The following B3GLCT variants were observed in gnomAD, a reference collection of about 807,000 sequenced individuals.
B3GLCT encodes beta 3-glucosyltransferase.
Under a neutral mutation model 63.4 loss-of-function variants are expected in B3GLCT, and 65 were observed. The observed-to-expected ratio is 1.03, with a 90% CI of 0.84 to 1.26. The LOEUF is 1.26. Ranked by LOEUF, B3GLCT falls within the 50% of genes most tolerant of loss-of-function variation. The pLI is 0.00. For missense variants in B3GLCT, 577 were observed against 604.8 expected, an observed-to-expected ratio of 0.95 and a Z score of 0.48; for synonymous variants, 233 against 219.2, an observed-to-expected ratio of 1.06 and a Z score of -0.55.
At position 31,250,024 on chromosome 13, in the gene B3GLCT, AAACTTTT is replaced by A. The variant is rs1441617031; in HGVS notation, c.459+2067_459+2073del. On this transcript the variant is annotated intron_variant, in intron 6 of 14. Coordinates refer to ENST00000343307, the MANE Select transcript of B3GLCT (RefSeq NM_194318.4). ...ATACTGTCAAAATATTTTAAATGTA[AAACTTTT>A]AACTTTTATTAATCTTTATTAAATT... Among the ~76,000 whole-genome samples, 8 of 152,310 alleles carry A rather than the reference AAACTTTT, an allele frequency of 5.3e-5. No homozygotes were observed. In the East Asian group the frequency reaches 1.5e-3, roughly 29 times the overall value.
chr13:31,220,786 T>C (rs1869772856), intron 2 of B3GLCT, among the ~76,000 whole-genome samples: 1 of 152,230 alleles, frequency 6.6e-6, no homozygotes, highest in African/African-American at 2.4e-5. Context: ...GAAAGATGTA[T>C]CATTTTTGTT....
In B3GLCT at chr13:31,269,278, G is replaced by A. The variant is rs80338851; in HGVS notation, c.660+1G>A. 1,643 of 1,588,686 alleles carry A rather than the reference G, an allele frequency of 1.0e-3. No individual in the cohort carries two copies. Among genetic ancestry groups the A allele is most frequent in the Non-Finnish European group, 1.3e-3 (1,460 of 1,157,564 alleles). On this transcript the variant is annotated splice_donor_variant, in intron 8 of 14. Transcript: ENST00000343307. LOFTEE classifies it high-confidence loss of function. ...CTTTACAATAGATTTAAAACATGAGGTATGTCATGTTTTGTTTGATTAAAA... is the reference window on the plus strand; with the variant it reads ...CTTTACAATAGATTTAAAACATGAGATATGTCATGTTTTGTTTGATTAAAA...
In B3GLCT at chr13:31,283,541, T is replaced by G. The variant is rs146977271; in HGVS notation, c.851-1107T>G. ...GTTGCAGAAAAATTATATTTTAATA[T>G]ATGAAATTAATATTTAACTGGTAAT... is the stretch of plus-strand genomic sequence containing the variant. On this transcript the variant is annotated intron_variant, in intron 10 of 14. Coordinates refer to ENST00000343307, the MANE Select transcript of B3GLCT (RefSeq NM_194318.4). Among the ~76,000 whole-genome samples, 237 of 152,146 alleles carry G rather than the reference T, an allele frequency of 1.6e-3. 2 individuals are homozygous for G. The highest frequency in any genetic ancestry group is 5.4e-3 in the African/African-American group (225 of 41,538).
intron 7 of B3GLCT, among the ~76,000 whole-genome samples, chr13:31,262,164 C>T (rs530094083): frequency 1.3e-5 from 2 of 150,642 alleles, no homozygotes; most frequent in East Asian, 2.0e-4. Context: ...GAAGCTCCTA[C>T]GCTGCTGATT....
At chr13:31,269,722 A>G (rs1872499611) in intron 8 of B3GLCT, among the ~76,000 whole-genome samples, 1 of 151,558 alleles carries the variant, frequency 6.6e-6, no homozygotes, top group South Asian at 2.1e-4. Flanking sequence ...TGATAGGGGC[A>G]TGAGAGTGGA....
intron 12 of B3GLCT, among the ~76,000 whole-genome samples, chr13:31,314,864 C>G (rs1242695824): frequency 6.6e-6 from 1 of 152,176 alleles, no homozygotes; most frequent in African/African-American, 2.4e-5. Flanking sequence ...GGGAGGGACC[C>G]AGTGGGAGGT....
intron 12 of B3GLCT, among the ~76,000 whole-genome samples, chr13:31,309,671 A>C (rs939469710): frequency 6.6e-6 from 1 of 152,074 alleles, no homozygotes; most frequent in South Asian, 2.1e-4. Flanking sequence ...AGGAGTGTGG[A>C]GCTTCCTTGC....
At chr13:31,227,598 T>C (rs73443583) in intron 3 of B3GLCT, among the ~76,000 whole-genome samples, 94 of 152,342 alleles carry the variant, frequency 6.2e-4, no homozygotes, top group African/African-American at 2.2e-3. Context: ...TCATATTCAG[T>C]AGGCTGTTCA....
chr13:31,247,194 A>G lies in B3GLCT; in HGVS notation c.347+95A>G, dbSNP rs116422728. ...TTATTAAGAGGGTGTGGTTTTCCTC[A>G]GTCAGTAAGTGAAGTAAATTTGAGT... On this transcript the variant is annotated intron_variant, in intron 5 of 14. Transcript: ENST00000343307. The G allele has an allele frequency of 0.049, 46,845 of 964,574 alleles. 1,251 individuals are homozygous for G. The highest frequency in any genetic ancestry group is 0.053 in the Non-Finnish European group (32,192 of 605,484). The allele number at this position is 964,574 out of a possible 1,614,324, so 59.8% of individuals were successfully genotyped here.
rs59778101 is a variant in B3GLCT at position 31,325,227 on chromosome 13, G to A, written c.1329+1332G>A. Among the ~76,000 whole-genome samples the A allele has an allele frequency of 3.4e-4, 52 of 152,264 alleles. No homozygotes were observed. In the East Asian group the frequency reaches 9.9e-3, roughly 29 times the overall value. ...AAATGTATGAGAAACCTCCTTCCTG[G>A]TGTCAGTTAGAAGATACTTACTTGT... On this transcript the variant is annotated intron_variant, in intron 14 of 14. Transcript: ENST00000343307.
rs1015697159 is a variant in B3GLCT, at chr13:31,326,641, C to A, written c.1329+2746C>A. On this transcript the variant is annotated intron_variant, in intron 14 of 14. Transcript: ENST00000343307. ...TTCCTGTATGCAGATGCCTACCACACTCTGTGTCTGTTCCTCAAGTTCTTC... is the reference window on the plus strand; with the variant it reads ...TTCCTGTATGCAGATGCCTACCACAATCTGTGTCTGTTCCTCAAGTTCTTC... Among the ~76,000 whole-genome samples the A allele has an allele frequency of 2.0e-5, 3 of 152,116 alleles. No individual in the cohort carries two copies. The East Asian group carries it at 5.8e-4, about 29-fold the overall frequency.
intron 12 of B3GLCT, among the ~76,000 whole-genome samples, chr13:31,300,293 C>A (rs1000564866): frequency 6.6e-6 from 1 of 152,142 alleles, no homozygotes; most frequent in East Asian, 1.9e-4. Context: ...ATGGAATGGG[C>A]ATTGCCTCCC....
chr13:31,242,535 G>C (rs1871007592), intron 4 of B3GLCT, among the ~76,000 whole-genome samples: 1 of 152,178 alleles, frequency 6.6e-6, no homozygotes, highest in Non-Finnish European at 1.5e-5. Flanking sequence ...CCCCTTTGCT[G>C]TTGTCATCTC....
chr13:31,329,901 A>G lies in B3GLCT; in HGVS notation c.*233A>G. ...TGCTTTTGACTTATGCAGTTGTTTT[A>G]ACACTTAGTGATGACTGTGTATTCT... is the stretch of plus-strand genomic sequence containing the variant. On this transcript the variant is annotated 3_prime_UTR_variant, in exon 15 of 15. Coordinates refer to ENST00000343307, the MANE Select transcript of B3GLCT (RefSeq NM_194318.4). 1.8e-6 allele frequency: 1 copy of G among 540,924 alleles called. No homozygotes were observed. The highest frequency in any genetic ancestry group is 3.3e-6 in the Non-Finnish European group (1 of 301,016). 33.5% of individuals were successfully genotyped at this position (540,924 alleles called of 1,614,324 possible).
intron 4 of B3GLCT, among the ~76,000 whole-genome samples, chr13:31,237,393 T>C (rs1254690791): frequency 6.6e-6 from 1 of 150,974 alleles, no homozygotes; most frequent in Admixed American, 6.6e-5. Context: ...TGCTTCTGTT[T>C]CCTAGGCTGG....
chr13:31,274,480 ATCACTGCCTG>A lies in B3GLCT; in HGVS notation c.661-26_661-17del. On this transcript the variant is annotated intron_variant, in intron 8 of 14. Transcript: ENST00000343307. ...ATACTTGTGTTGACTGAGTTCTTTC[ATCACTGCCTG>A]TCTCCTGTCTCGTGGCAGATTGCCC... The A allele has an allele frequency of 6.2e-7, 1 of 1,614,074 alleles. No individual in the cohort carries two copies. Among genetic ancestry groups the A allele is most frequent in the Non-Finnish European group, 8.5e-7 (1 of 1,180,000 alleles).
chr13:31,215,018 A>G lies in B3GLCT; in HGVS notation c.71-33A>G. ...GAATTAACCTGAATTGCTAATTCTA[A>G]GGTAGAAATATTTCTTTTTTTTTTT... On this transcript the variant is annotated intron_variant, in intron 1 of 14. Coordinates refer to ENST00000343307, the MANE Select transcript of B3GLCT (RefSeq NM_194318.4). The G allele has an allele frequency of 1.9e-6, 3 of 1,562,092 alleles. No homozygotes were observed. The South Asian group carries it at 3.4e-5, about 18-fold the overall frequency.
chr13:31,273,885 A>C (rs915032301), intron 8 of B3GLCT, among the ~76,000 whole-genome samples: 2 of 152,190 alleles, frequency 1.3e-5, no homozygotes, highest in Admixed American at 1.3e-4. Flanking sequence ...CCATGGTCCT[A>C]GCTTTATGTA....
In B3GLCT at chr13:31,330,699, A is replaced by G. The variant is rs746616127; in HGVS notation, c.*1031A>G. On this transcript the variant is annotated 3_prime_UTR_variant, in exon 15 of 15. Transcript: ENST00000343307. ...GAAACAGCTCTAGTTTTCAAATTAT[A>G]TCTTTAATATATAGTAATGTAACAT... 2.6e-5 allele frequency: 4 copies of G among 152,130 alleles called. No individual in the cohort carries two copies. The highest frequency in any genetic ancestry group is 5.9e-5 in the Non-Finnish European group (4 of 68,018). The allele number at this position is 152,130 out of a possible 1,614,324, so 9.4% of individuals were successfully genotyped here. A position where few individuals can be genotyped will look rare whatever the true frequency, so the allele number is the denominator to read the frequency against.
Sources: allele counts gnomAD v4.1 joint callset (sites outside exome capture counted in the v4.1 genomes callset), GRCh38; gene constraint gnomAD v4.1.1; transcripts MANE v1.5; gene names NCBI Gene and HGNC (gene_info 2026-07-23, HGNC 2026-07-21).